PLCXD1: variants seen among roughly 807,000 people sequenced by gnomAD.
The protein encoded by PLCXD1 is PI-PLC X domain-containing protein 1.
PLCXD1 carries 45 observed loss-of-function variants against 37.8 expected under a neutral mutation model. The observed-to-expected ratio is 1.19, with a 90% CI of 0.94 to 1.53. PLCXD1 has a LOEUF of 1.53. Among genes scored for constraint, PLCXD1 ranks in the 40% most tolerant of loss-of-function variants. PLCXD1 has a pLI of 0.00. For synonymous variants in PLCXD1, 246 were observed against 206.9 expected (o/e 1.19, Z -1.62); for missense variants, 539 against 454.7 (o/e 1.19, Z -1.69).
chrX:289,970 C>G (rs28396319), intron 3 of PLCXD1, among the ~76,000 whole-genome samples: 2,897 of 152,094 alleles, frequency 0.019, 93 homozygotes, highest in African/African-American at 0.066. Context: ...TTCATTCATT[C>G]CTTTAGAGAT....
rs1176376583 is a variant in PLCXD1 at position 299,079 on chromosome X, C to T, written c.734-18C>T. ...AGGCCCGTGACCGTGTAACCTCTCC[C>T]CACCCTCACCGTTGCAGGAGGGTTG... is the stretch of plus-strand genomic sequence containing the variant. On this transcript the variant is annotated intron_variant, in intron 6 of 6. Transcript: ENST00000381657. The T allele has an allele frequency of 1.9e-5, 31 of 1,592,212 alleles. No individual in the cohort carries two copies. Among genetic ancestry groups the T allele is most frequent in the East Asian group, 1.1e-4 (5 of 44,830 alleles).
chrX:292,411 A>G (rs920188396), intron 5 of PLCXD1, among the ~76,000 whole-genome samples: 3 of 152,018 alleles, frequency 2.0e-5, no homozygotes, highest in African/African-American at 4.8e-5. Context: ...GTGAGCCGAG[A>G]TCGCGCCACT....
rs760238714 is a variant in PLCXD1, at chrX:293,166, G to T, written c.681G>T (p.Lys227Asn). ...GVPYWWGNRV[K>N]TEALIRYLET... ...CCTACTGGTGGGGAAACAGGGTGAA[G>T]ACCGAGGCCCTCATCCGATACCTGG... Residue 227 changes from lysine to asparagine, a missense_variant, in exon 6 of 7, where the codon AAG (lysine) becomes AAT (asparagine). Physicochemically the swap from Lys to Asn is moderately conservative, Grantham distance 94 (BLOSUM62 0). Transcript: ENST00000381657. 1.2e-6 allele frequency: 2 copies of T among 1,612,704 alleles called. No homozygotes were observed. The highest frequency in any genetic ancestry group is 2.2e-5 in the East Asian group (1 of 44,892).
At chrX:294,899 G>A (rs1002200028) in intron 6 of PLCXD1, among the ~76,000 whole-genome samples, 11 of 152,042 alleles carry the variant, frequency 7.2e-5, no homozygotes, top group South Asian at 2.1e-4. Flanking sequence ...CGTGAATTTC[G>A]GTGCAGTGGC....
intron 2 of PLCXD1, among the ~76,000 whole-genome samples, chrX:286,594 G>A (rs756252994): frequency 6.6e-6 from 1 of 152,256 alleles, no homozygotes; most frequent in South Asian, 2.1e-4. Context: ...ACTCTGAGGG[G>A]TCCACGTGAA....
intron 1 of PLCXD1, among the ~76,000 whole-genome samples, chrX:282,933 GTT>G (rs1491546135): frequency 8.4e-6 from 1 of 119,038 alleles, no homozygotes; most frequent in Non-Finnish European, 1.6e-5. Context: ...ATACATGTAT[GTT>G]ATATATATAT....
upstream of PLCXD1, among the ~76,000 whole-genome samples, chrX:277,408 AG>A (rs1378879239): frequency 1.0e-4 from 4 of 38,602 alleles, no homozygotes; most frequent in African/African-American, 1.6e-4. Context: ...CTGGGATGTG[AG>A]GGGAGGGGTC....
Position 300,099 on chromosome X carries a change from G to A in PLCXD1, c.*764G>A, listed in dbSNP as rs2069957230. On this transcript the variant is annotated 3_prime_UTR_variant, in exon 7 of 7. Coordinates refer to ENST00000381657, the MANE Select transcript of PLCXD1 (RefSeq NM_018390.4). ...GATGGGGTCTCTCTATGTTGGCCAGGTTGGTCTTGAACTCCTGGCCTCAAG... is the reference window on the plus strand; with the variant it reads ...GATGGGGTCTCTCTATGTTGGCCAGATTGGTCTTGAACTCCTGGCCTCAAG... 1 of 151,330 alleles carries A rather than the reference G, an allele frequency of 6.6e-6. No homozygotes were observed. The highest frequency in any genetic ancestry group is 2.4e-5 in the African/African-American group (1 of 41,018). 9.4% of individuals were successfully genotyped at this position (151,330 alleles called of 1,614,324 possible). A position where few individuals can be genotyped will look rare whatever the true frequency, so the allele number is the denominator to read the frequency against.
chrX:285,130 A>C (rs2069405076), intron 2 of PLCXD1, among the ~76,000 whole-genome samples: 1 of 58,630 alleles, frequency 1.7e-5, no homozygotes, highest in African/African-American at 1.2e-4. Flanking sequence ...GCATGCGCAC[A>C]CACATACATG....
At chrX:292,762 A>G (rs1217833651) in intron 5 of PLCXD1, among the ~76,000 whole-genome samples, 9 of 151,706 alleles carry the variant, frequency 5.9e-5, no homozygotes, top group African/African-American at 9.7e-5. Context: ...ACAGGCGTGC[A>G]CCACCGCACC....
intron 2 of PLCXD1, among the ~76,000 whole-genome samples, chrX:285,165 CAT>C (rs201330834): frequency 0.023 from 3,465 of 152,222 alleles, 104 homozygotes; most frequent in African/African-American, 0.07. Flanking sequence ...CATCCCCACA[CAT>C]ATGCACATGG....
rs1408850073 is a variant in PLCXD1, at chrX:299,089, C to T, written c.734-8C>T. 1.9e-5 allele frequency: 30 copies of T among 1,602,420 alleles called. No individual in the cohort carries two copies. Among genetic ancestry groups the T allele is most frequent in the Non-Finnish European group, 2.2e-5 (26 of 1,169,464 alleles). On this transcript the variant is annotated splice_region_variant and splice_polypyrimidine_tract_variant and intron_variant, in intron 6 of 6. Coordinates refer to ENST00000381657, the MANE Select transcript of PLCXD1 (RefSeq NM_018390.4). Reference sequence around the variant, plus strand: ...CCGTGTAACCTCTCCCCACCCTCACCGTTGCAGGAGGGTTGTTCGTGGCCG... The same window carrying T: ...CCGTGTAACCTCTCCCCACCCTCACTGTTGCAGGAGGGTTGTTCGTGGCCG...
rs1569564654 is a variant in PLCXD1, at chrX:293,211, C to A, written c.726C>A (p.Gly242=). The A allele has an allele frequency of 6.2e-7, 1 of 1,608,826 alleles. No homozygotes were observed. The highest frequency in any genetic ancestry group is 1.7e-5 in the Admixed American group (1 of 59,798). ...IRYLETMKSC[G]RPGGLFVAGI... ...ACCTGGAGACCATGAAGAGCTGCGG[C>A]CGCCCAGGTACCAGGTCGCCCCTCG... Residue 242 remains glycine (G), a synonymous_variant, in exon 6 of 7, where the codon GGC becomes GGA. Transcript: ENST00000381657.
chrX:297,830 C>T (rs866031771), intron 6 of PLCXD1, among the ~76,000 whole-genome samples: 1 of 33,400 alleles, frequency 3.0e-5, no homozygotes. Context: ...GGGATTAGGA[C>T]GTGGACATCT....
In PLCXD1 at chrX:288,736, G is replaced by A; in HGVS notation, c.131G>A (p.Ser44Asn). Residue 44 changes from serine to asparagine, a missense_variant, in exon 3 of 7, where the codon AGC (serine) becomes AAC (asparagine). Ser to Asn is a conservative substitution (Grantham distance 46). Coordinates refer to ENST00000381657, the MANE Select transcript of PLCXD1 (RefSeq NM_018390.4). ...VPLHHLSIPG[S>N]HDTMTYCLNK... is the part of the protein sequence containing the mutation. ...CGCGTGTGTGCTTTGCTCTCAGGGAGCCACGACACGATGACGTACTGCCTG... is the reference window on the plus strand; with the variant it reads ...CGCGTGTGTGCTTTGCTCTCAGGGAACCACGACACGATGACGTACTGCCTG... 1 of 1,613,894 alleles carries A rather than the reference G, an allele frequency of 6.2e-7. No homozygotes were observed. Among genetic ancestry groups the A allele is most frequent in the Non-Finnish European group, 8.5e-7 (1 of 1,179,808 alleles).
intron 2 of PLCXD1, among the ~76,000 whole-genome samples, chrX:286,500 C>G (rs926362561): frequency 1.3e-5 from 2 of 152,082 alleles, no homozygotes; most frequent in African/African-American, 4.8e-5. Context: ...GAAGAGGTTT[C>G]TTTGGCCGGG....
chrX:287,384 CAAAAATATGTATTTATGT>C (rs2069480845), intron 2 of PLCXD1, among the ~76,000 whole-genome samples: 1 of 140,188 alleles, frequency 7.1e-6, no homozygotes, highest in Non-Finnish European at 1.5e-5. Context: ...CATATTTATG[CAAAAATATGTATTTATGT>C]AAATATATAC....
rs1358478789 is a variant in PLCXD1 at position 299,986 on chromosome X, G to T, written c.*651G>T. ...GAGAATGGCGTGAACCCGGGAGGTG[G>T]AGGTTGCATTGAGCTGAGATCGTGC... On this transcript the variant is annotated 3_prime_UTR_variant, in exon 7 of 7. Coordinates refer to ENST00000381657, the MANE Select transcript of PLCXD1 (RefSeq NM_018390.4). 2 of 151,752 alleles carry T rather than the reference G, an allele frequency of 1.3e-5. No homozygotes were observed. Among genetic ancestry groups the T allele is most frequent in the Admixed American group, 6.6e-5 (1 of 15,196 alleles). The allele number at this position is 151,752 out of a possible 1,614,324, so 9.4% of individuals were successfully genotyped here. A position where few individuals can be genotyped will look rare whatever the true frequency, so the allele number is the denominator to read the frequency against.
At chrX:288,259 CT>C (rs2069519189) in intron 2 of PLCXD1, among the ~76,000 whole-genome samples, 1 of 151,870 alleles carries the variant, frequency 6.6e-6, no homozygotes, top group South Asian at 2.1e-4. Context: ...TTGAACAGCT[CT>C]TTTGGGGATC....
Sources: gnomAD v4.1 joint callset for allele counts (sites outside exome capture counted in the v4.1 genomes callset) on GRCh38, gnomAD v4.1.1 for gene constraint, MANE v1.5 for transcripts, NCBI Gene and HGNC (gene_info 2026-07-23, HGNC 2026-07-21) for gene names.